The following REDIC1 variants were observed in gnomAD, a reference collection of about 807,000 sequenced individuals.
REDIC1 encodes the protein HEI10 Interacting Protein 1.
the REDIC1 span, among the ~76,000 whole-genome samples, chr12:39,712,365 C>CCTGT: frequency 9.8e-6 from 1 of 101,850 alleles, no homozygotes; most frequent in Non-Finnish European, 2.1e-5. Context: ...TACATACATA[C>CCTGT]ATATGTATAT....
At chr12:39,731,055 A>C in the REDIC1 span, among the ~76,000 whole-genome samples, 1 of 152,114 alleles carries the variant, frequency 6.6e-6, no homozygotes. Flanking sequence ...CAATTCCTCT[A>C]ACCTTTTTTC....
the REDIC1 span, among the ~76,000 whole-genome samples, chr12:39,668,855 A>T: frequency 6.6e-6 from 1 of 151,996 alleles, no homozygotes; most frequent in South Asian, 2.1e-4. Context: ...TCGGCTACTG[A>T]GGCTTGTGCA....
chr12:39,851,049 G>A, the REDIC1 span, among the ~76,000 whole-genome samples: 51 of 151,838 alleles, frequency 3.4e-4, no homozygotes, highest in Non-Finnish European at 5.0e-4. Flanking sequence ...ACAGGTGTGC[G>A]CCACCACATC....
At chr12:39,779,595 A>G in the REDIC1 span, among the ~76,000 whole-genome samples, 21 of 152,294 alleles carry the variant, frequency 1.4e-4, no homozygotes, top group South Asian at 4.4e-3. Flanking sequence ...TTTGCTTCCC[A>G]TTAGGCTGAT....
At chr12:39,660,040 C>T in the REDIC1 span, among the ~76,000 whole-genome samples, 6 of 151,972 alleles carry the variant, frequency 3.9e-5, no homozygotes, top group African/African-American at 9.7e-5. Flanking sequence ...TCTTGATCCC[C>T]CTTGAATTAT....
At chr12:39,803,602 G>T in the REDIC1 span, among the ~76,000 whole-genome samples, 789 of 151,794 alleles carry the variant, frequency 5.2e-3, 8 homozygotes, top group African/African-American at 0.018. Flanking sequence ...TCAGAAAAAA[G>T]AATCCTTCAA....
At chr12:39,845,004 C>CA in the REDIC1 span, among the ~76,000 whole-genome samples, 942 of 151,816 alleles carry the variant, frequency 6.2e-3, 11 homozygotes, top group African/African-American at 0.021. Flanking sequence ...ATTAAAGTGA[C>CA]CACTTGATAA....
chr12:39,881,695 C>T, the REDIC1 span, among the ~76,000 whole-genome samples: 1 of 152,166 alleles, frequency 6.6e-6, no homozygotes, highest in Admixed American at 6.5e-5. Context: ...GCATAACCTT[C>T]TTACACCTTG....
At chr12:39,751,211 T>C in the REDIC1 span, among the ~76,000 whole-genome samples, 1 of 151,988 alleles carries the variant, frequency 6.6e-6, no homozygotes, top group East Asian at 1.9e-4. Context: ...CCAACAAATT[T>C]ACAAGGAAAA....
chr12:39,640,846 T>C, the REDIC1 span: 13 of 691,776 alleles, frequency 1.9e-5, no homozygotes, highest in Non-Finnish European at 2.7e-5. Flanking sequence ...AATGCAATGA[T>C]ACTACACTTT....
chr12:39,762,275 A>G, the REDIC1 span, among the ~76,000 whole-genome samples: 1 of 152,118 alleles, frequency 6.6e-6, no homozygotes, highest in South Asian at 2.1e-4. Context: ...ATGGCAAGAA[A>G]AAATGTCTGT....
chr12:39,795,817 G>A, the REDIC1 span, among the ~76,000 whole-genome samples: 2 of 152,088 alleles, frequency 1.3e-5, no homozygotes, highest in Non-Finnish European at 1.5e-5. Context: ...CATGGCTGAG[G>A]GAGGAAACTT....
chr12:39,705,520 A>G, the REDIC1 span, among the ~76,000 whole-genome samples: 1 of 152,132 alleles, frequency 6.6e-6, no homozygotes. Context: ...AAAGAAAACT[A>G]CTGATCAGTG....
the REDIC1 span, among the ~76,000 whole-genome samples, chr12:39,895,796 GTATA>G: frequency 3.1e-5 from 2 of 63,534 alleles, 1 homozygote; most frequent in Non-Finnish European, 6.4e-5. Context: ...GTACACACAT[GTATA>G]TGCGTGTATA....
the REDIC1 span, among the ~76,000 whole-genome samples, chr12:39,732,344 A>T: frequency 6.6e-6 from 1 of 152,166 alleles, no homozygotes; most frequent in Non-Finnish European, 1.5e-5. Context: ...TGGCAGCTGT[A>T]TCCAGAGGTT....
the REDIC1 span, among the ~76,000 whole-genome samples, chr12:39,783,621 G>C: frequency 6.6e-6 from 1 of 152,202 alleles, no homozygotes; most frequent in Non-Finnish European, 1.5e-5. Context: ...CTCATGGCCA[G>C]TAATGATGAG....
At chr12:39,694,453 G>A in the REDIC1 span, among the ~76,000 whole-genome samples, 6 of 152,166 alleles carry the variant, frequency 3.9e-5, no homozygotes, top group African/African-American at 1.4e-4. Context: ...AGTCAGTGCA[G>A]CAGTTTTGAG....
chr12:39,648,670 G>C, the REDIC1 span, among the ~76,000 whole-genome samples: 2 of 151,190 alleles, frequency 1.3e-5, no homozygotes, highest in African/African-American at 4.8e-5. Context: ...ACTATGTCTT[G>C]TTAATGGGAA....
chr12:39,793,626 C>T, the REDIC1 span, among the ~76,000 whole-genome samples: 1 of 152,110 alleles, frequency 6.6e-6, no homozygotes, highest in African/African-American at 2.4e-5. Flanking sequence ...CATGGACAAC[C>T]TGGCCCTTAC....
Sources: allele counts gnomAD v4.1 joint callset (sites outside exome capture counted in the v4.1 genomes callset), GRCh38; gene constraint gnomAD v4.1.1; transcripts MANE v1.5; gene names NCBI Gene and HGNC (gene_info 2026-07-23, HGNC 2026-07-21).